The following DMD variants were observed in gnomAD, a reference collection of about 807,000 sequenced individuals.
DMD encodes the protein mutant dystrophin.
DMD carries 63 observed loss-of-function variants against 330.1 expected under a neutral mutation model. That is an observed-to-expected ratio of 0.19 (90% CI 0.16 to 0.24). The LOEUF (loss-of-function observed/expected upper bound fraction) is 0.24. Among genes scored for constraint, DMD ranks in the 10% least tolerant of loss-of-function variants. The probability of loss-of-function intolerance (pLI) is 1.00; values close to 1 mark genes in which losing one functional copy is unlikely to be tolerated. For synonymous variants in DMD, 1,223 were observed against 959.8 expected (o/e 1.27, Z -5.07); for missense variants, 3,344 against 2,684.1 (o/e 1.25, Z -5.43).
intron 37 of DMD, among the ~76,000 whole-genome samples, chrX:32,351,125 A>T (rs1307106350): frequency 9.0e-6 from 1 of 110,742 alleles, no homozygotes; most frequent in Non-Finnish European, 1.9e-5. Flanking sequence ...ATAAAAGCTT[A>T]ATAAATGTTG....
intron 45 of DMD, among the ~76,000 whole-genome samples, chrX:31,941,657 G>C (rs934231167): frequency 3.6e-5 from 4 of 111,627 alleles, no homozygotes; most frequent in Non-Finnish European, 7.5e-5. Context: ...CACACAGGTA[G>C]TGAGCATAGT....
At chrX:31,457,497 T>G (rs1031915099) in intron 59 of DMD, among the ~76,000 whole-genome samples, 1 of 111,872 alleles carries the variant, frequency 8.9e-6, no homozygotes, top group African/African-American at 3.3e-5. Flanking sequence ...TGATGACTAT[T>G]AATAACTAGG....
chrX:31,152,184 CT>C lies in DMD; in HGVS notation c.10554-4667del, dbSNP rs1161340463. 7.3e-3 allele frequency among the ~76,000 whole-genome samples: 718 copies of C among 98,241 alleles called. 1 individual carries two copies. The highest frequency in any genetic ancestry group is 0.011 in the East Asian group (37 of 3,261). 85.3% of individuals were successfully genotyped at this position (98,241 alleles called of 115,157 possible). On this transcript the variant is annotated intron_variant, in intron 74 of 78. Coordinates refer to ENST00000357033, the MANE Select transcript of DMD (RefSeq NM_004006.3). ...ACCCCTTATTTATGCCTTTAAGCAT[CT>C]TTTTTTTTTTTTTTGAGATGGAGGC...
chrX:32,934,901 T>C (rs1421730960), intron 2 of DMD, among the ~76,000 whole-genome samples: 1 of 113,008 alleles, frequency 8.8e-6, no homozygotes, highest in Non-Finnish European at 1.9e-5. Flanking sequence ...CATGCATGTA[T>C]GCCAAAACAA....
At chrX:33,272,015 C>T (rs1411870144) in intron 1 of DMD, among the ~76,000 whole-genome samples, 1 of 109,714 alleles carries the variant, frequency 9.1e-6, no homozygotes, top group Non-Finnish European at 1.9e-5. Flanking sequence ...TCCCTAGTAG[C>T]TGGGATTACA....
chrX:33,092,065 T>C (rs892669281), intron 1 of DMD, among the ~76,000 whole-genome samples: 2 of 111,565 alleles, frequency 1.8e-5, no homozygotes, highest in Non-Finnish European at 3.8e-5. Flanking sequence ...CTCTCTTTTG[T>C]GTTTTATTTA....
intron 50 of DMD, among the ~76,000 whole-genome samples, chrX:31,800,834 C>T (rs1407881279): frequency 2.7e-5 from 3 of 111,687 alleles, no homozygotes; most frequent in African/African-American, 6.5e-5. Flanking sequence ...GTGTCCTTTG[C>T]TCCAGTTCCC....
At chrX:32,559,311 A>G (rs1035262995) in intron 16 of DMD, among the ~76,000 whole-genome samples, 1 of 111,099 alleles carries the variant, frequency 9.0e-6, no homozygotes, top group Non-Finnish European at 1.9e-5. Flanking sequence ...CATGTTCTCA[A>G]ATTTAAGGGA....
At chrX:32,611,362 G>A (rs1460581037) in intron 12 of DMD, among the ~76,000 whole-genome samples, 2 of 111,002 alleles carry the variant, frequency 1.8e-5, no homozygotes, top group African/African-American at 3.3e-5. Context: ...AATAATGCCT[G>A]GAGGTAAAAT....
chrX:32,658,147 C>A (rs1376989014), intron 9 of DMD, among the ~76,000 whole-genome samples: 1 of 111,108 alleles, frequency 9.0e-6, no homozygotes, highest in African/African-American at 3.3e-5. Context: ...TCCCATGTAG[C>A]CCGTTTTGGA....
intron 7 of DMD, among the ~76,000 whole-genome samples, chrX:32,725,586 C>A (rs984447850): frequency 9.1e-6 from 1 of 110,157 alleles, no homozygotes; most frequent in Non-Finnish European, 1.9e-5. Flanking sequence ...CAAAAGGATA[C>A]AACAATTGCA....
chrX:31,402,136 G>A (rs2061218560), intron 60 of DMD, among the ~76,000 whole-genome samples: 1 of 111,997 alleles, frequency 8.9e-6, no homozygotes, highest in African/African-American at 3.2e-5. Flanking sequence ...CATTGCAGTA[G>A]AGAGGCTGAG....
chrX:31,363,928 T>C (rs1462685541), intron 60 of DMD, among the ~76,000 whole-genome samples: 1 of 112,034 alleles, frequency 8.9e-6, no homozygotes, highest in Non-Finnish European at 1.9e-5. Context: ...TACAGTAAAC[T>C]TTCACCCTCT....
chrX:33,086,745 G>C (rs2148280660), intron 1 of DMD, among the ~76,000 whole-genome samples: 2 of 108,302 alleles, frequency 1.8e-5, no homozygotes, highest in East Asian at 5.7e-4. Flanking sequence ...ATATCTCTTA[G>C]TGTATATATA....
intron 1 of DMD, among the ~76,000 whole-genome samples, chrX:33,196,438 T>C (rs1013921940): frequency 6.3e-5 from 7 of 111,116 alleles, no homozygotes; most frequent in African/African-American, 2.3e-4. Flanking sequence ...TTATTTGTTT[T>C]AGAAACTCAA....
In DMD at chrX:31,189,067, C is replaced by A. The variant is rs1474899106; in HGVS notation, c.9808-6163G>T. 2.7e-5 allele frequency among the ~76,000 whole-genome samples: 3 copies of A among 111,720 alleles called. No individual in the cohort carries two copies. In the East Asian group the frequency reaches 8.4e-4, roughly 31 times the overall value. On this transcript the variant is annotated intron_variant, in intron 67 of 78. Transcript: ENST00000357033. ...AAATCCTTGGACACTGAAGGGCCAACCGCCTGCCAGGAGGTCCACCTGAAT... is the reference window on the plus strand; with the variant it reads ...AAATCCTTGGACACTGAAGGGCCAAACGCCTGCCAGGAGGTCCACCTGAAT...
chrX:33,094,932 C>A (rs5928172), intron 1 of DMD, among the ~76,000 whole-genome samples: 50,920 of 110,017 alleles, frequency 0.46, 8,865 homozygotes, highest in East Asian at 0.88. Flanking sequence ...AAATTCTAAA[C>A]ATATTTGAAA....
chrX:33,221,541 A>G (rs1052620446), intron 1 of DMD, among the ~76,000 whole-genome samples: 1 of 111,609 alleles, frequency 9.0e-6, no homozygotes, highest in South Asian at 3.7e-4. Context: ...AACTAATCAA[A>G]ATAAAAACAG....
At chrX:31,159,309 G>A (rs1341654722) in intron 74 of DMD, among the ~76,000 whole-genome samples, 5 of 111,175 alleles carry the variant, frequency 4.5e-5, no homozygotes, top group African/African-American at 9.8e-5. Context: ...TGAAATTATC[G>A]CCTTGATTTA....
Sources: allele counts gnomAD v4.1 joint callset (sites outside exome capture counted in the v4.1 genomes callset), GRCh38; gene constraint gnomAD v4.1.1; transcripts MANE v1.5; gene names NCBI Gene and HGNC (gene_info 2026-07-23, HGNC 2026-07-21).